The following COG1 variants were observed in gnomAD, a reference collection of about 807,000 sequenced individuals.
COG1 encodes the protein conserved oligomeric Golgi complex subunit 1.
Under a neutral mutation model 102.2 loss-of-function variants are expected in COG1, and 61 were observed. The observed-to-expected ratio is 0.60, with a 90% CI of 0.49 to 0.74. The LOEUF (loss-of-function observed/expected upper bound fraction) is 0.74, where lower values mean the gene tolerates loss of function less well. COG1 is among the 30% of genes least tolerant of loss of function. COG1 has a pLI of 0.00. For missense variants in COG1, 1,164 were observed against 1,232.1 expected, an observed-to-expected ratio of 0.94 and a Z score of 0.83; for synonymous variants, 454 against 493.6, an observed-to-expected ratio of 0.92 and a Z score of 1.06.
chr17:73,196,831 C>G, intron 2 of COG1, 69 bp from the exon 3 acceptor site: 1 of 1,613,654 alleles, frequency 6.2e-7, no homozygotes, highest in South Asian at 1.1e-5. Flanking sequence ...GTCTTCTTTC[C>G]TGATGTACCA....
chr17:73,207,042 G>A (rs2061378148), intron 12 of COG1, 139 bp from the exon 13 acceptor site: 6 of 769,564 alleles, frequency 7.8e-6, no homozygotes, highest in South Asian at 3.1e-5. Flanking sequence ...GCAGTGAGCC[G>A]AGATTGCGCC....
intron 7 of COG1, among the ~76,000 whole-genome samples, chr17:73,202,136 G>A (rs554417329): frequency 3.8e-4 from 58 of 151,472 alleles, no homozygotes; most frequent in African/African-American, 1.4e-3. Flanking sequence ...AGGAGATCGA[G>A]ACCATCCTGG....
At chr17:73,206,311 C>G (rs750804627) in intron 11 of COG1, 49 bp downstream of exon 11, 30 of 1,422,564 alleles carry the variant, frequency 2.1e-5, no homozygotes, top group Non-Finnish European at 2.9e-5. Context: ...GATACAGGCT[C>G]AAATAACAAA....
Position 73,207,917 on chromosome 17 carries a change from G to A in COG1, c.2806-397G>A, listed in dbSNP as rs1034668168. On this transcript the variant is annotated intron_variant, in intron 13 of 13. Transcript: ENST00000299886. ...CCTTGTCAAGTATCTGGCTTTAAAAGTTGGGAGATGGTAGTTTAAAAAAAA... is the reference window on the plus strand; with the variant it reads ...CCTTGTCAAGTATCTGGCTTTAAAAATTGGGAGATGGTAGTTTAAAAAAAA... 1.1e-5 allele frequency: 13 copies of A among 1,181,670 alleles called. No homozygotes were observed. The African/African-American group carries it at 1.6e-4, about 15-fold the overall frequency. 73.2% of individuals were successfully genotyped at this position (1,181,670 alleles called of 1,614,324 possible).
chr17:73,196,689 CA>C lies in COG1; in HGVS notation c.499del (p.Ser167ValfsTer49). 6.2e-7 allele frequency: 1 copy of C among 1,614,236 alleles called. No homozygotes were observed. Among genetic ancestry groups the C allele is most frequent in the South Asian group, 1.1e-5 (1 of 91,090 alleles). The part of the protein sequence containing the change: ...LQLDSSSSRY[S>X]PVLSRFPILI... Reference sequence around the variant, plus strand: ...AGCTGGATTCTTCTAGTTCCCGATACAGTCCCGTCCTCTCCCGGTTTCCTAT... The same window carrying C: ...AGCTGGATTCTTCTAGTTCCCGATACGTCCCGTCCTCTCCCGGTTTCCTAT... On this transcript the variant is annotated frameshift_variant, in exon 2 of 14. Coordinates refer to ENST00000299886, the MANE Select transcript of COG1 (RefSeq NM_018714.3). LOFTEE classifies it high-confidence loss of function.
chr17:73,200,853 G>T (rs530525402), intron 6 of COG1, 77 bp downstream of exon 6: 4 of 1,371,690 alleles, frequency 2.9e-6, no homozygotes, highest in South Asian at 2.4e-5. Context: ...GGAGATTTCT[G>T]TCGCTTCCCA....
intron 1 of COG1, among the ~76,000 whole-genome samples, chr17:73,195,318 T>G (rs527891644): frequency 6.6e-6 from 1 of 151,972 alleles, no homozygotes. Flanking sequence ...GAGAAAAAAA[T>G]GTAAAAAAAT....
intron 13 of COG1, chr17:73,207,782 A>C: frequency 1.6e-6 from 2 of 1,289,034 alleles, no homozygotes; most frequent in Non-Finnish European, 2.0e-6. Flanking sequence ...TTGAAAGCTC[A>C]AACAGCTTGT....
chr17:73,197,948 T>C (rs148812561), intron 4 of COG1, among the ~76,000 whole-genome samples: 6 of 152,338 alleles, frequency 3.9e-5, no homozygotes, highest in African/African-American at 1.2e-4. Flanking sequence ...AATGGAAGCC[T>C]CCTGGGACCT....
intron 3 of COG1, 35 bp from the exon 4 acceptor site, chr17:73,197,191 G>A: frequency 1.9e-6 from 3 of 1,614,064 alleles, no homozygotes; most frequent in Non-Finnish European, 2.5e-6. Flanking sequence ...TTTGGGAAAG[G>A]TAATTGTTTC....
In COG1 at chr17:73,201,137, T is replaced by C. The variant is rs567335371; in HGVS notation, c.1310T>C (p.Ile437Thr). 2 of 1,614,196 alleles carry C rather than the reference T, an allele frequency of 1.2e-6. No individual in the cohort carries two copies. Among genetic ancestry groups the C allele is most frequent in the East Asian group, 4.5e-5 (2 of 44,890 alleles). Residue 437 changes from isoleucine to threonine, a missense_variant, in exon 7 of 14, where the codon ATC becomes ACC. Transcript: ENST00000299886. The part of the protein sequence containing the change: ...QTLTKEGFDS[I>T]SSSSKELLVS... ...CTGACAAAAGAAGGCTTTGACTCCA[T>C]CTCCAGTAGCTCCAAGGAGCTCTTG...
At chr17:73,193,801 C>G (rs938883213) in intron 1 of COG1, among the ~76,000 whole-genome samples, 2 of 152,114 alleles carry the variant, frequency 1.3e-5, no homozygotes, top group African/African-American at 2.4e-5. Flanking sequence ...TCATTTCTTC[C>G]TCATCCCAAC....
rs150410073 is a variant in COG1 at position 73,202,850 on chromosome 17, T to C, written c.2074-150T>C. 650 of 815,672 alleles carry C rather than the reference T, an allele frequency of 8.0e-4. 4 individuals are homozygous for C. In the African/African-American group the frequency reaches 9.5e-3, roughly 12 times the overall value. The allele number at this position is 815,672 out of a possible 1,614,324, so 50.5% of individuals were successfully genotyped here. On this transcript the variant is annotated intron_variant, in intron 7 of 13. Transcript: ENST00000299886. ...AGCAACAAAATTCCCATGGCTGATA[T>C]CATTGATAATTAGCCAAAAGAGGAC...
chr17:73,200,550 C>G lies in COG1; in HGVS notation c.1071-16C>G. The G allele has an allele frequency of 6.2e-7, 1 of 1,609,396 alleles. No individual in the cohort carries two copies. Among genetic ancestry groups the G allele is most frequent in the Middle Eastern group, 1.7e-4 (1 of 6,032 alleles). On this transcript the variant is annotated splice_polypyrimidine_tract_variant and intron_variant, in intron 5 of 13. Coordinates refer to ENST00000299886, the MANE Select transcript of COG1 (RefSeq NM_018714.3). ...CATGCCTCTGATGGAGCCCAAAGAA[C>G]ATGATTCTGTTGCAGGTGTAATGAA...
chr17:73,194,389 C>A (rs1243146171), intron 1 of COG1, among the ~76,000 whole-genome samples: 22 of 137,036 alleles, frequency 1.6e-4, no homozygotes, highest in African/African-American at 5.6e-4. Flanking sequence ...TTGCAGTGAG[C>A]CGAGATCGCG....
chr17:73,204,707 T>C (rs962456534), intron 9 of COG1, among the ~76,000 whole-genome samples: 3 of 152,008 alleles, frequency 2.0e-5, no homozygotes, highest in Non-Finnish European at 4.4e-5. Flanking sequence ...CCACAAGGCA[T>C]GCGCCAGCAC....
chr17:73,207,597 C>A, intron 13 of COG1: 1 of 908,918 alleles, frequency 1.1e-6, no homozygotes, highest in Non-Finnish European at 1.6e-6. Flanking sequence ...CTGTTTTGTT[C>A]TGGTGATGAT....
chr17:73,206,603 G>C, intron 11 of COG1, 105 bp from the exon 12 acceptor site: 2 of 793,500 alleles, frequency 2.5e-6, no homozygotes, highest in Non-Finnish European at 4.3e-6. Context: ...TCCCCAAAAT[G>C]ACAGTTAGAA....
chr17:73,205,562 G>A lies in COG1; in HGVS notation c.2392G>A (p.Ala798Thr), dbSNP rs747936961. ...SEEKQIKKEG[A>T]FPVTQNRALQ... ...GGGAATTCATTTGCAGAAAGAAGGT[G>A]CATTTCCAGTCACCCAGAACCGGGC... The change falls in exon 10 of 14, where the codon GCA (alanine) becomes ACA (threonine). Residue 798 changes from alanine (A) to threonine (T), a missense_variant. Transcript: ENST00000299886. The A allele has an allele frequency of 6.2e-6, 10 of 1,614,046 alleles. No homozygotes were observed. Among genetic ancestry groups the A allele is most frequent in the East Asian group, 2.2e-5 (1 of 44,890 alleles).
Sources: allele counts gnomAD v4.1 joint callset (sites outside exome capture counted in the v4.1 genomes callset), GRCh38; gene constraint gnomAD v4.1.1; transcripts MANE v1.5; gene names NCBI Gene and HGNC (gene_info 2026-07-23, HGNC 2026-07-21).